ATG2B: variants seen among roughly 807,000 people sequenced by gnomAD.
ATG2B encodes autophagy-related protein 2 homolog B.
In ATG2B, 121 loss-of-function variants were observed where a neutral mutation model predicts 241.3. The observed-to-expected ratio is 0.50, with a 90% CI of 0.43 to 0.58. The LOEUF is 0.58. ATG2B is among the 20% of genes least tolerant of loss of function. The pLI is 0.00. For missense variants in ATG2B, 2,306 were observed against 2,491.6 expected (o/e 0.93, Z 1.59); for synonymous variants, 858 against 876.6 (o/e 0.98, Z 0.37).
chr14:96,296,372 G>T (rs1886640599), intron 34 of ATG2B, among the ~76,000 whole-genome samples: 1 of 151,952 alleles, frequency 6.6e-6, no homozygotes, highest in Non-Finnish European at 1.5e-5. Flanking sequence ...CCCATTATAG[G>T]CAGCTTCGTT....
Position 96,329,501 on chromosome 14 carries a change from G to A in ATG2B, c.1864C>T (p.Pro622Ser), listed in dbSNP as rs199692563. 2.2e-4 allele frequency: 354 copies of A among 1,611,078 alleles called. 2 individuals carry two copies. Among genetic ancestry groups the A allele is most frequent in the Middle Eastern group, 1.7e-4 (1 of 5,998 alleles). Residue 622 changes from proline (P) to serine (S), a missense_variant, in exon 12 of 42, where the codon CCT becomes TCT. Pro to Ser is a moderately conservative substitution (Grantham distance 74). Around this residue, in one of 2 missense-constraint regions of ATG2B, gnomAD observed 1,927 missense variants for 2,011.2 expected, o/e 0.96. Coordinates refer to ENST00000359933, the MANE Select transcript of ATG2B (RefSeq NM_018036.7). ...ATATTTACCTCTGTATAGTGAGGAG[G>A]AACAGAATGAAAATCAGTTGGAAAT... ...CLFPTDFHSVPPHYTELLTFH... is the reference protein window; with the variant it reads ...CLFPTDFHSVSPHYTELLTFH...
At chr14:96,286,835 G>T (rs1886346901) in intron 41 of ATG2B, among the ~76,000 whole-genome samples, 1 of 152,070 alleles carries the variant, frequency 6.6e-6, no homozygotes, top group Non-Finnish European at 1.5e-5. Context: ...AAGGAACTTT[G>T]AGTTCTCCAG....
At chr14:96,295,701 A>G in intron 34 of ATG2B, 141 bp from the exon 35 acceptor site, 1 of 454,764 alleles carries the variant, frequency 2.2e-6, no homozygotes, top group Non-Finnish European at 3.9e-6. Flanking sequence ...TCTCCATGCT[A>G]GTCATTATTC....
intron 31 of ATG2B, 51 bp from the exon 32 acceptor site, chr14:96,304,654 AG>A: frequency 7.2e-7 from 1 of 1,380,890 alleles, no homozygotes; most frequent in Non-Finnish European, 1.0e-6. Context: ...GAATATTCAA[AG>A]AAAGTCAATG....
intron 14 of ATG2B, among the ~76,000 whole-genome samples, chr14:96,327,346 T>C (rs911681820): frequency 3.9e-5 from 6 of 152,240 alleles, no homozygotes; most frequent in African/African-American, 1.4e-4. Flanking sequence ...TTCCTTTTCT[T>C]TTTAACTAAG....
At chr14:96,319,850 T>A (rs2139868021) in intron 18 of ATG2B, among the ~76,000 whole-genome samples, 1 of 152,250 alleles carries the variant, frequency 6.6e-6, no homozygotes, top group South Asian at 2.1e-4. Context: ...GTTTGAAAAT[T>A]ATTTAAACAG....
intron 12 of ATG2B, 21 bp downstream of exon 12, chr14:96,329,463 G>T (rs1195853563): frequency 1.3e-6 from 2 of 1,505,766 alleles, no homozygotes; most frequent in African/African-American, 1.4e-5. Context: ...TAATCTTAAA[G>T]AAAAAGTATT....
At chr14:96,349,469 C>G (rs946067086) in intron 1 of ATG2B, among the ~76,000 whole-genome samples, 8 of 152,072 alleles carry the variant, frequency 5.3e-5, no homozygotes, top group Non-Finnish European at 7.4e-5. Context: ...CCATGTACAG[C>G]ATGAAGGGAA....
intron 18 of ATG2B, 138 bp from the exon 19 acceptor site, chr14:96,317,993 T>G: frequency 1.7e-6 from 1 of 598,188 alleles, no homozygotes; most frequent in South Asian, 3.2e-5. Flanking sequence ...CTACAAGAAT[T>G]TGGAAAAACA....
At chr14:96,325,606 T>G in intron 15 of ATG2B, 43 bp downstream of exon 15, 3 of 1,552,262 alleles carry the variant, frequency 1.9e-6, no homozygotes, top group Admixed American at 2.0e-5. Context: ...TAGCAGTTGT[T>G]TGTTATCTAG....
intron 6 of ATG2B, among the ~76,000 whole-genome samples, chr14:96,338,690 T>C (rs1291129549): frequency 4.6e-5 from 7 of 151,990 alleles, no homozygotes; most frequent in Non-Finnish European, 5.9e-5. Flanking sequence ...AAAAATTCTA[T>C]AAGAAAACAT....
chr14:96,285,934 C>T lies in ATG2B; in HGVS notation c.6058G>A (p.Glu2020Lys), dbSNP rs756706264. Residue 2020 changes from glutamate (E) to lysine (K), a missense_variant, in exon 42 of 42, where the codon GAG becomes AAG. Glu to Lys is a moderately conservative substitution (Grantham distance 56, BLOSUM62 1). Coordinates refer to ENST00000359933, the MANE Select transcript of ATG2B (RefSeq NM_018036.7). The surrounding 1 kb of genome is among the most constrained non-coding windows in gnomAD (Gnocchi z 4.2). Reference protein sequence around the residue: ...TIYETAAREHESRGVTGAVGE... With the variant: ...TIYETAAREHKSRGVTGAVGE... ...ACGGCACCAGTCACCCCTCTGCTCT[C>T]GTGTTCTCGAGCCGCAGTTTCATAA... 5 of 1,613,846 alleles carry T rather than the reference C, an allele frequency of 3.1e-6. No homozygotes were observed. The African/African-American group carries it at 4.0e-5, about 13-fold the overall frequency.
chr14:96,322,166 G>A lies in ATG2B; in HGVS notation c.2825C>T (p.Pro942Leu), dbSNP rs1390731953. ...ATTAGGTAGTGTTACATAAATATTTGGTAACGTAAGTTCCAGCACATAGTG... is the reference window on the plus strand; with the variant it reads ...ATTAGGTAGTGTTACATAAATATTTAGTAACGTAAGTTCCAGCACATAGTG... ...NSHYVLELTLPNIYVTLPNKS... is the reference protein window; with the variant it reads ...NSHYVLELTLLNIYVTLPNKS... Residue 942 changes from proline to leucine, a missense_variant, in exon 18 of 42, where the codon CCA becomes CTA. By Grantham distance (98) the Pro-to-Leu change is moderately conservative. Coordinates refer to ENST00000359933, the MANE Select transcript of ATG2B (RefSeq NM_018036.7). The A allele has an allele frequency of 1.3e-5, 20 of 1,570,380 alleles. No individual in the cohort carries two copies. Among genetic ancestry groups the A allele is most frequent in the African/African-American group, 2.8e-5 (2 of 71,588 alleles).
chr14:96,327,230 C>CAAT (rs74459993), intron 14 of ATG2B, among the ~76,000 whole-genome samples: 86 of 148,820 alleles, frequency 5.8e-4, no homozygotes, highest in East Asian at 2.2e-3. Flanking sequence ...ATGTCTGTCT[C>CAAT]AATAATAATA....
At chr14:96,301,673 C>G (rs2030024439) in intron 34 of ATG2B, among the ~76,000 whole-genome samples, 1 of 152,168 alleles carries the variant, frequency 6.6e-6, no homozygotes, top group Non-Finnish European at 1.5e-5. Flanking sequence ...GACAGAGCAG[C>G]ATTCAATTCA....
At chr14:96,297,627 GACCTCGTGATCC>G (rs1886680978) in intron 34 of ATG2B, among the ~76,000 whole-genome samples, 3 of 152,060 alleles carry the variant, frequency 2.0e-5, no homozygotes, top group Admixed American at 2.0e-4. Context: ...TCGAACCCCT[GACCTCGTGATCC>G]ACCCGCCTCG....
At chr14:96,319,818 A>G (rs924605957) in intron 18 of ATG2B, among the ~76,000 whole-genome samples, 6 of 152,198 alleles carry the variant, frequency 3.9e-5, no homozygotes, top group East Asian at 3.8e-4. Flanking sequence ...TTCGTACTGT[A>G]AAGCAAATCT....
chr14:96,300,695 T>C (rs1886766001), intron 34 of ATG2B, among the ~76,000 whole-genome samples: 2 of 152,216 alleles, frequency 1.3e-5, no homozygotes, highest in African/African-American at 4.8e-5. Context: ...TTAGTTAAAG[T>C]ATGGATATCA....
chr14:96,326,079 G>A (rs1887581535), intron 14 of ATG2B, among the ~76,000 whole-genome samples, 157 bp from the exon 15 acceptor site: 1 of 152,050 alleles, frequency 6.6e-6, no homozygotes, highest in South Asian at 2.1e-4. Flanking sequence ...TTAATTTAGT[G>A]TAAAAAAATT....
Sources: allele counts gnomAD v4.1 joint callset (sites outside exome capture counted in the v4.1 genomes callset), GRCh38; gene constraint gnomAD v4.1.1; regional missense constraint gnomAD v4.1.1; non-coding constraint Gnocchi (gnomAD v3.1); transcripts MANE v1.5; gene names NCBI Gene and HGNC (gene_info 2026-07-23, HGNC 2026-07-21).